TMOD3: variants seen among roughly 807,000 people sequenced by gnomAD.
The protein encoded by TMOD3 is tropomodulin-3.
Under a neutral mutation model 39.2 loss-of-function variants are expected in TMOD3, and 20 were observed. The ratio of observed to expected loss-of-function variants is 0.51; its 90% CI spans 0.36 to 0.74. The LOEUF (loss-of-function observed/expected upper bound fraction) is 0.74. Ranked by LOEUF, TMOD3 falls within the 30% of genes least tolerant of loss-of-function variation. The probability of loss-of-function intolerance (pLI) is 0.00; values close to 1 mark genes in which losing one functional copy is unlikely to be tolerated. For synonymous variants in TMOD3, 143 were observed against 145.8 expected (o/e 0.98, Z 0.14); for missense variants, 381 against 412.8 (o/e 0.92, Z 0.67).
rs1041437720 is a variant in TMOD3, at chr15:51,912,728, G to C, written c.*3918G>C. ...TCTACAGTGTTACTGCACTTTGAAC[G>C]TATTGACCCATGTCACCCAAGAGAA... is the stretch of plus-strand genomic sequence containing the variant. On this transcript the variant is annotated 3_prime_UTR_variant, in exon 10 of 10. Coordinates refer to ENST00000308580, the MANE Select transcript of TMOD3 (RefSeq NM_014547.5). 1 of 152,044 alleles carries C rather than the reference G, an allele frequency of 6.6e-6. No homozygotes were observed. Among genetic ancestry groups the C allele is most frequent in the African/African-American group, 2.4e-5 (1 of 41,408 alleles). The allele number at this position is 152,044 out of a possible 1,614,324, so 9.4% of individuals were successfully genotyped here.
rs535394239 is a variant in TMOD3, at chr15:51,884,312, C to A, written c.284-3277C>A. On this transcript the variant is annotated intron_variant, in intron 3 of 9. Coordinates refer to ENST00000308580, the MANE Select transcript of TMOD3 (RefSeq NM_014547.5). Reference sequence around the variant, plus strand: ...CAGGGATGAACAGAACATAGAGCATCCCCTTGAAAAGCATGCAAAAGGCAA... The same window carrying A: ...CAGGGATGAACAGAACATAGAGCATACCCTTGAAAAGCATGCAAAAGGCAA... Among the ~76,000 whole-genome samples the A allele has an allele frequency of 1.6e-4, 24 of 152,304 alleles. No individual in the cohort carries two copies. The South Asian group carries it at 5.0e-3, about 32-fold the overall frequency.
chr15:51,847,371 A>G (rs1595891489), intron 1 of TMOD3, among the ~76,000 whole-genome samples: 1 of 152,208 alleles, frequency 6.6e-6, no homozygotes, highest in Non-Finnish European at 1.5e-5. Context: ...ATTGGTAGCA[A>G]TGGCAGGAAA....
chr15:51,899,390 G>A (rs2056637664), intron 7 of TMOD3, among the ~76,000 whole-genome samples: 1 of 152,200 alleles, frequency 6.6e-6, no homozygotes, highest in Non-Finnish European at 1.5e-5. Context: ...TACAGGCCAG[G>A]TGTAGTGGCT....
intron 1 of TMOD3, among the ~76,000 whole-genome samples, chr15:51,853,739 T>C (rs555558965): frequency 6.6e-6 from 1 of 150,842 alleles, no homozygotes; most frequent in South Asian, 2.1e-4. Context: ...AACCTAAGAG[T>C]TTGAGGCTGC....
chr15:51,861,631 G>A (rs920926504), intron 1 of TMOD3, among the ~76,000 whole-genome samples: 2 of 149,866 alleles, frequency 1.3e-5, no homozygotes, highest in African/African-American at 4.9e-5. Context: ...AGTCTAAAGT[G>A]TATTTATTTC....
Position 51,908,863 on chromosome 15 carries a change from G to C in TMOD3, c.*53G>C. On this transcript the variant is annotated 3_prime_UTR_variant, in exon 10 of 10. Coordinates refer to ENST00000308580, the MANE Select transcript of TMOD3 (RefSeq NM_014547.5). ...CTTCAGAAGATCACCAAGGGCTCAT[G>C]TTGGTGACATCATGTAAAATTTTCC... 6.8e-7 allele frequency: 1 copy of C among 1,474,414 alleles called. No individual in the cohort carries two copies. The highest frequency in any genetic ancestry group is 1.4e-5 in the South Asian group (1 of 72,740). 91.3% of individuals were successfully genotyped at this position (1,474,414 alleles called of 1,614,324 possible).
At chr15:51,857,453 GTCTC>G (rs1424286470) in intron 1 of TMOD3, among the ~76,000 whole-genome samples, 1 of 152,136 alleles carries the variant, frequency 6.6e-6, no homozygotes, top group Non-Finnish European at 1.5e-5. Flanking sequence ...AAGCTATTTA[GTCTC>G]TCTGTGGAAT....
chr15:51,856,203 C>T (rs1250641817), intron 1 of TMOD3, among the ~76,000 whole-genome samples: 1 of 152,168 alleles, frequency 6.6e-6, no homozygotes, highest in Non-Finnish European at 1.5e-5. Context: ...GCAGAGGCTG[C>T]AGTGAGCCGT....
Position 51,869,335 on chromosome 15 carries a change from A to T in TMOD3, c.245A>T (p.Asp82Val), listed in dbSNP as rs1374376664. ...GAGAAAGAAGCATTGGAGCATAAAG[A>T]CAGGGAAGACTATGTGCCCTACACT... is the stretch of plus-strand genomic sequence containing the variant. ...YLEKEALEHK[D>V]REDYVPYTGE... The change falls in exon 3 of 10, where the codon GAC becomes GTC. Residue 82 changes from aspartate to valine, a missense_variant. Coordinates refer to ENST00000308580, the MANE Select transcript of TMOD3 (RefSeq NM_014547.5). 1 of 1,614,014 alleles carries T rather than the reference A, an allele frequency of 6.2e-7. No individual in the cohort carries two copies. The highest frequency in any genetic ancestry group is 2.2e-5 in the East Asian group (1 of 44,886).
At chr15:51,891,629 G>A (rs2056593864) in intron 5 of TMOD3, among the ~76,000 whole-genome samples, 1 of 152,120 alleles carries the variant, frequency 6.6e-6, no homozygotes, top group South Asian at 2.1e-4. Context: ...TAAGGGGCAA[G>A]GCTCTTAAGA....
chr15:51,870,069 G>A (rs2056467479), intron 3 of TMOD3, among the ~76,000 whole-genome samples: 1 of 152,088 alleles, frequency 6.6e-6, no homozygotes, highest in African/African-American at 2.4e-5. Context: ...CTCCTTAGTA[G>A]CTGGGATTAC....
At chr15:51,838,540 T>A (rs2056297756) in intron 1 of TMOD3, among the ~76,000 whole-genome samples, 1 of 152,156 alleles carries the variant, frequency 6.6e-6, no homozygotes, top group Non-Finnish European at 1.5e-5. Flanking sequence ...TTTGAAAGTC[T>A]CTGTCCTCTC....
Position 51,915,163 on chromosome 15 carries a change from C to G in TMOD3, c.*6353C>G, listed in dbSNP as rs543058996. 1 of 151,938 alleles carries G rather than the reference C, an allele frequency of 6.6e-6. No homozygotes were observed. Among genetic ancestry groups the G allele is most frequent in the South Asian group, 2.1e-4 (1 of 4,794 alleles). 9.4% of individuals were successfully genotyped at this position (151,938 alleles called of 1,614,324 possible). On this transcript the variant is annotated 3_prime_UTR_variant, in exon 10 of 10. Coordinates refer to ENST00000308580, the MANE Select transcript of TMOD3 (RefSeq NM_014547.5). Reference sequence around the variant, plus strand: ...CCTAAAATGTTTCAAATATTATAGTCTATACATTCAGAAAGTAAGGTTTAA... The same window carrying G: ...CCTAAAATGTTTCAAATATTATAGTGTATACATTCAGAAAGTAAGGTTTAA...
In TMOD3 at chr15:51,869,371, A is replaced by C; in HGVS notation, c.281A>C (p.Lys94Thr). The change falls in exon 3 of 10, where the codon AAA becomes ACA. Residue 94 changes from lysine (K) to threonine (T), a missense_variant and splice_region_variant. Lys to Thr is a moderately conservative substitution (Grantham distance 78). Transcript: ENST00000308580. ...TATGTGCCCTACACTGGAGAAAAAA[A>C]AGGTAAGCCCCAGAATTTTAAAGTC... ...EDYVPYTGEK[K>T]GKIFIPKQKP... 1.2e-6 allele frequency: 2 copies of C among 1,610,458 alleles called. No individual in the cohort carries two copies. The highest frequency in any genetic ancestry group is 1.7e-6 in the Non-Finnish European group (2 of 1,179,186).
At chr15:51,904,882 T>C (rs556768644) in intron 9 of TMOD3, among the ~76,000 whole-genome samples, 2 of 152,204 alleles carry the variant, frequency 1.3e-5, no homozygotes, top group Non-Finnish European at 2.9e-5. Flanking sequence ...GAAGACCATG[T>C]TGAAGAAGCT....
chr15:51,865,063 T>A (rs1346439891), intron 2 of TMOD3, among the ~76,000 whole-genome samples: 1 of 152,188 alleles, frequency 6.6e-6, no homozygotes, highest in East Asian at 1.9e-4. Context: ...GATAGCTCAC[T>A]GCAGCCTCGA....
intron 2 of TMOD3, among the ~76,000 whole-genome samples, chr15:51,867,440 C>G (rs1401513383): frequency 6.6e-6 from 1 of 151,956 alleles, no homozygotes; most frequent in Non-Finnish European, 1.5e-5. Context: ...ATACTTGGTA[C>G]AAAGTTAGGA....
At chr15:51,841,829 G>C (rs2056314082) in intron 1 of TMOD3, among the ~76,000 whole-genome samples, 1 of 152,136 alleles carries the variant, frequency 6.6e-6, no homozygotes, top group African/African-American at 2.4e-5. Flanking sequence ...GAGTGCGGTG[G>C]CACGATCTTG....
chr15:51,897,781 CAAA>C (rs35282838), intron 7 of TMOD3, among the ~76,000 whole-genome samples: 3 of 111,038 alleles, frequency 2.7e-5, no homozygotes, highest in East Asian at 2.4e-4. Context: ...CCACGCCCAG[CAAA>C]AAAAAAAAAA....
Sources: gnomAD v4.1 joint callset for allele counts (sites outside exome capture counted in the v4.1 genomes callset) on GRCh38, gnomAD v4.1.1 for gene constraint, MANE v1.5 for transcripts, NCBI Gene and HGNC (gene_info 2026-07-23, HGNC 2026-07-21) for gene names.